The following PIP4P2 variants were observed in gnomAD, a reference collection of about 807,000 sequenced individuals.
The protein encoded by PIP4P2 is type 2 phosphatidylinositol 4,5-bisphosphate 4-phosphatase.
A neutral mutation model predicts 33.3 loss-of-function variants in PIP4P2; 19 were observed. That is an observed-to-expected ratio of 0.57 (90% CI 0.40 to 0.84). PIP4P2 has a LOEUF of 0.84. PIP4P2 is among the 40% of genes least tolerant of loss of function. The pLI is 0.00. For synonymous variants in PIP4P2, 110 were observed against 111.9 expected (o/e 0.98, Z 0.11); for missense variants, 270 against 324.7 (o/e 0.83, Z 1.29).
chr8:90,995,766 T>C lies in PIP4P2; in HGVS notation c.685A>G (p.Ile229Val), dbSNP rs1023248199. 6.2e-7 allele frequency: 1 copy of C among 1,613,132 alleles called. No individual in the cohort carries two copies. The highest frequency in any genetic ancestry group is 8.5e-7 in the Non-Finnish European group (1 of 1,179,552). ...RFRATYVSWA[I>V]AYLLGLICLI... Reference sequence around the variant, plus strand: ...CAGATCAATCCTAGGAGATAAGCAATTGCCCAAGAAACATAGGTTGCTCGA... The same window carrying C: ...CAGATCAATCCTAGGAGATAAGCAACTGCCCAAGAAACATAGGTTGCTCGA... The change falls in exon 7 of 7, where the codon ATT becomes GTT. Residue 229 changes from isoleucine (I) to valine (V), a missense_variant. Transcript: ENST00000285419.
chr8:91,004,237 T>C (rs4634599), intron 5 of PIP4P2, among the ~76,000 whole-genome samples: 110,835 of 151,894 alleles, frequency 0.73, 41,361 homozygotes, highest in African/African-American at 0.83. Flanking sequence ...AGTCCAAAGG[T>C]CAGAGGGCCT....
intron 4 of PIP4P2, among the ~76,000 whole-genome samples, chr8:91,017,518 C>T (rs1811933807): frequency 6.6e-6 from 1 of 152,024 alleles, no homozygotes; most frequent in Admixed American, 6.6e-5. Flanking sequence ...AACTAGGGGT[C>T]AGCTAGATGA....
chr8:91,027,505 T>C lies in PIP4P2; in HGVS notation c.107-6101A>G, dbSNP rs989923820. 2.0e-5 allele frequency among the ~76,000 whole-genome samples: 3 copies of C among 152,020 alleles called. No homozygotes were observed. The East Asian group carries it at 5.8e-4, about 29-fold the overall frequency. On this transcript the variant is annotated intron_variant, in intron 1 of 6. Coordinates refer to ENST00000285419, the MANE Select transcript of PIP4P2 (RefSeq NM_018710.3). ...TCTCAACATGTTTCAGAAGGGCAAA[T>C]ACAAAGTCTAATTCAGTAAGAGGCA... is the stretch of plus-strand genomic sequence containing the variant.
At chr8:91,038,658 G>A (rs940711191) in intron 1 of PIP4P2, among the ~76,000 whole-genome samples, 1 of 152,112 alleles carries the variant, frequency 6.6e-6, no homozygotes, top group South Asian at 2.1e-4. Flanking sequence ...TCCAGATCTT[G>A]TGTATTACTC....
intron 1 of PIP4P2, among the ~76,000 whole-genome samples, chr8:91,022,277 C>A (rs1031543983): frequency 6.6e-6 from 1 of 152,138 alleles, no homozygotes; most frequent in African/African-American, 2.4e-5. Flanking sequence ...TACAAAGACA[C>A]ACACACAGTG....
chr8:91,032,746 A>T (rs1812183691), intron 1 of PIP4P2, among the ~76,000 whole-genome samples: 1 of 145,492 alleles, frequency 6.9e-6, no homozygotes, highest in African/African-American at 2.5e-5. Context: ...ATGCCACTGC[A>T]CTCCAGCCTG....
intron 1 of PIP4P2, among the ~76,000 whole-genome samples, chr8:91,035,069 T>C (rs998985300): frequency 1.1e-4 from 16 of 152,208 alleles, no homozygotes; most frequent in Admixed American, 3.3e-4. Flanking sequence ...AAATGATATG[T>C]CTCAAAACCA....
At chr8:91,023,270 T>C (rs1187949717) in intron 1 of PIP4P2, among the ~76,000 whole-genome samples, 3 of 151,764 alleles carry the variant, frequency 2.0e-5, no homozygotes, top group Non-Finnish European at 4.4e-5. Context: ...AGTTGTACAG[T>C]AACATTACAT....
chr8:91,003,739 G>A (rs978803601), intron 5 of PIP4P2, among the ~76,000 whole-genome samples: 1 of 152,010 alleles, frequency 6.6e-6, no homozygotes, highest in African/African-American at 2.4e-5. Flanking sequence ...AGGAACATAA[G>A]AGAAAACCCG....
intron 5 of PIP4P2, among the ~76,000 whole-genome samples, chr8:91,007,081 T>C (rs1811773870): frequency 6.6e-6 from 1 of 152,182 alleles, no homozygotes; most frequent in Admixed American, 6.5e-5. Context: ...AAAATACACA[T>C]AATACCCAGA....
intron 1 of PIP4P2, among the ~76,000 whole-genome samples, chr8:91,025,544 T>C (rs921464421): frequency 7.9e-5 from 12 of 152,226 alleles, no homozygotes; most frequent in African/African-American, 2.7e-4. Context: ...ATCTCAATTA[T>C]TCCTTTATAC....
intron 5 of PIP4P2, among the ~76,000 whole-genome samples, chr8:91,007,324 T>C (rs1563562781): frequency 6.6e-6 from 1 of 152,236 alleles, no homozygotes; most frequent in Non-Finnish European, 1.5e-5. Context: ...TACAGAGCTA[T>C]ATTTAGTTGA....
intron 4 of PIP4P2, among the ~76,000 whole-genome samples, chr8:91,013,390 A>G (rs990812319): frequency 1.3e-5 from 2 of 152,232 alleles, no homozygotes; most frequent in Non-Finnish European, 2.9e-5. Flanking sequence ...TATATTGAAG[A>G]TTTTAAAATT....
intron 3 of PIP4P2, 87 bp from the exon 4 acceptor site, chr8:91,018,600 T>C (rs1355119304): frequency 1.9e-6 from 3 of 1,558,672 alleles, no homozygotes; most frequent in East Asian, 2.3e-5. Context: ...ATATGAAATG[T>C]GCTATACTTG....
intron 4 of PIP4P2, 78 bp from the exon 5 acceptor site, chr8:91,008,873 T>G: frequency 7.8e-7 from 1 of 1,278,054 alleles, no homozygotes; most frequent in Non-Finnish European, 1.1e-6. Context: ...TTCTTTTACT[T>G]TAAATGTCAT....
chr8:91,029,859 C>T (rs765133803), intron 1 of PIP4P2, among the ~76,000 whole-genome samples: 32 of 151,966 alleles, frequency 2.1e-4, no homozygotes, highest in Middle Eastern at 3.4e-3. Context: ...TCCAGCTACT[C>T]GGGAGGCTGA....
chr8:91,010,470 C>T (rs1179641323), intron 4 of PIP4P2, among the ~76,000 whole-genome samples: 2 of 151,806 alleles, frequency 1.3e-5, no homozygotes, highest in African/African-American at 4.8e-5. Context: ...TAGTGTTCTT[C>T]ATTTTAGCAC....
At chr8:91,032,663 C>T (rs1014229689) in intron 1 of PIP4P2, among the ~76,000 whole-genome samples, 3 of 151,446 alleles carry the variant, frequency 2.0e-5, no homozygotes, top group African/African-American at 7.3e-5. Flanking sequence ...CACCTGCAGT[C>T]TCATCTACTT....
Position 91,040,826 on chromosome 8 carries a change from C to T in PIP4P2, c.-77G>A. ...GCGGAGTGGTGGCTACTGCTGCTGC[C>T]TCTGCTGCCGCTGCTGCCGCTGCAG... On this transcript the variant is annotated 5_prime_UTR_variant, in exon 1 of 7. Transcript: ENST00000285419. The T allele has an allele frequency of 1.5e-6, 2 of 1,343,492 alleles. No homozygotes were observed. Among genetic ancestry groups the T allele is most frequent in the Non-Finnish European group, 2.1e-6 (2 of 965,250 alleles). 83.2% of individuals were successfully genotyped at this position (1,343,492 alleles called of 1,614,324 possible).
Sources: gnomAD v4.1 joint callset for allele counts (sites outside exome capture counted in the v4.1 genomes callset) on GRCh38, gnomAD v4.1.1 for gene constraint, MANE v1.5 for transcripts, NCBI Gene and HGNC (gene_info 2026-07-23, HGNC 2026-07-21) for gene names.